The following HSPA14 variants were observed in gnomAD, a reference collection of about 807,000 sequenced individuals.
HSPA14 encodes heat shock 70 kDa protein 14.
In HSPA14, 37 loss-of-function variants were observed where a neutral mutation model predicts 65.5. The observed-to-expected ratio is 0.56, with a 90% confidence interval of 0.43 to 0.74. HSPA14 has a LOEUF of 0.74. Among genes scored for constraint, HSPA14 ranks in the 30% least tolerant of loss-of-function variants. HSPA14 has a pLI of 0.00. For missense variants in HSPA14, 564 were observed against 607.6 expected (o/e 0.93, Z 0.75); for synonymous variants, 203 against 214.2 (o/e 0.95, Z 0.46).
Position 14,871,589 on chromosome 10 carries a change from A to G in HSPA14, c.1513A>G (p.Ile505Val), listed in dbSNP as rs141304912. The G allele has an allele frequency of 1.4e-5, 22 of 1,573,958 alleles. 1 individual carries two copies. Among genetic ancestry groups the G allele is most frequent in the Non-Finnish European group, 7.0e-6 (8 of 1,149,930 alleles). Residue 505 changes from isoleucine to valine, a missense_variant, in exon 14 of 14, where the codon ATT becomes GTT. Coordinates refer to ENST00000378372, the MANE Select transcript of HSPA14 (RefSeq NM_016299.4). Reference sequence around the variant, plus strand: ...AACTGGAAAATGTGAAGCAATCTCTATTGAGATAGCATCTTAGTGTTTTAG... The same window carrying G: ...AACTGGAAAATGTGAAGCAATCTCTGTTGAGATAGCATCTTAGTGTTTTAG... ...QETGKCEAIS[I>V]EIAS
chr10:14,838,663 C>T (rs976382847), intron 1 of HSPA14: 4 of 525,362 alleles, frequency 7.6e-6, no homozygotes, highest in Non-Finnish European at 1.3e-5. Context: ...TACTCCGCGG[C>T]GGAGGCTCGC....
At position 14,867,933 on chromosome 10, in the gene HSPA14, T is replaced by A. The variant is rs770587351; in HGVS notation, c.1380+24T>A. ...AGGTGAATACATAAAGTTAGACACA[T>A]TAAACTGTTCAACTTTGCTTTCTGG... On this transcript the variant is annotated intron_variant, in intron 12 of 13. Coordinates refer to ENST00000378372, the MANE Select transcript of HSPA14 (RefSeq NM_016299.4). 6 of 1,585,460 alleles carry A rather than the reference T, an allele frequency of 3.8e-6. No individual in the cohort carries two copies. The Admixed American group carries it at 7.3e-5, about 19-fold the overall frequency.
At chr10:14,840,851 C>T (rs946893570) in intron 3 of HSPA14, among the ~76,000 whole-genome samples, 1 of 152,174 alleles carries the variant, frequency 6.6e-6, no homozygotes, top group African/African-American at 2.4e-5. Context: ...ATTCTCTCAA[C>T]ATCCTTGTAA....
At chr10:14,843,701 A>C in intron 3 of HSPA14, 1 of 1,540,638 alleles carries the variant, frequency 6.5e-7, no homozygotes. Flanking sequence ...TCAAAGCGGG[A>C]GGAAGAAAAA....
At chr10:14,869,549 C>T (rs550868400) in intron 12 of HSPA14, among the ~76,000 whole-genome samples, 137 of 152,294 alleles carry the variant, frequency 9.0e-4, no homozygotes, top group African/African-American at 3.0e-3. Flanking sequence ...CCTGCCTCAG[C>T]CTCCCAAACT....
chr10:14,871,536 C>G lies in HSPA14; in HGVS notation c.1460C>G (p.Ser487Cys), dbSNP rs1372160347. The G allele has an allele frequency of 1.9e-6, 3 of 1,581,084 alleles. No homozygotes were observed. The highest frequency in any genetic ancestry group is 1.7e-6 in the Non-Finnish European group (2 of 1,156,240). Residue 487 changes from serine (S) to cysteine (C), a missense_variant, in exon 14 of 14, where the codon TCT becomes TGT. Ser to Cys is a moderately radical substitution (Grantham distance 112, BLOSUM62 -1). Transcript: ENST00000378372. ...LAVLTMKRDG[S>C]LHVTCTDQET... The stretch of plus-strand genomic sequence containing the variant: ...TTTTTTTGTCTGTTTAGGGATGGAT[C>G]TTTACATGTGACATGCACAGATCAA...
chr10:14,869,088 C>T (rs1429766843), intron 12 of HSPA14, among the ~76,000 whole-genome samples: 4 of 151,968 alleles, frequency 2.6e-5, no homozygotes, highest in Non-Finnish European at 4.4e-5. Context: ...CCTCATGATC[C>T]GCCTGCCTTG....
Position 14,849,768 on chromosome 10 carries a change from A to G in HSPA14, c.424A>G (p.Thr142Ala). Residue 142 changes from threonine to alanine, a missense_variant, in exon 6 of 14, where the codon ACT becomes GCT. Physicochemically the swap from Thr to Ala is moderately conservative, Grantham distance 58. Coordinates refer to ENST00000378372, the MANE Select transcript of HSPA14 (RefSeq NM_016299.4). ...CTCAGATGCAAATGATGTAGTTATT[A>G]CTGTCCCGTTTGATTTTGGAGAAAA... The part of the protein sequence containing the change: ...LGSDANDVVI[T>A]VPFDFGEKQK... 1 of 1,613,710 alleles carries G rather than the reference A, an allele frequency of 6.2e-7. No homozygotes were observed. The highest frequency in any genetic ancestry group is 8.5e-7 in the Non-Finnish European group (1 of 1,179,798).
At chr10:14,861,675 T>G (rs987252096) in intron 10 of HSPA14, among the ~76,000 whole-genome samples, 3 of 152,104 alleles carry the variant, frequency 2.0e-5, no homozygotes, top group African/African-American at 7.2e-5. Flanking sequence ...GGGAATACTG[T>G]GAGACTTTTA....
At chr10:14,866,940 G>A in intron 10 of HSPA14, 143 bp from the exon 11 acceptor site, 1 of 564,954 alleles carries the variant, frequency 1.8e-6, no homozygotes, top group Non-Finnish European at 3.2e-6. Flanking sequence ...TATAGGTTAA[G>A]TATAACATAA....
intron 12 of HSPA14, among the ~76,000 whole-genome samples, chr10:14,868,660 A>G (rs1453674478): frequency 6.6e-6 from 1 of 152,194 alleles, no homozygotes; most frequent in East Asian, 1.9e-4. Context: ...TACAGAAAAT[A>G]TCTATAGGTA....
At chr10:14,849,868 A>G in intron 6 of HSPA14, 57 bp downstream of exon 6, 1 of 1,023,584 alleles carries the variant, frequency 9.8e-7, no homozygotes, top group Non-Finnish European at 1.5e-6. Context: ...AAGTCACTAT[A>G]TAGTAAAAGG....
rs565741118 is a variant in HSPA14 at position 14,867,373 on chromosome 10, C to A, written c.1206+78C>A. The A allele has an allele frequency of 8.8e-5, 91 of 1,034,110 alleles. No homozygotes were observed. In the East Asian group the frequency reaches 2.2e-3, roughly 25 times the overall value. The allele number at this position is 1,034,110 out of a possible 1,614,324, so 64.1% of individuals were successfully genotyped here. On this transcript the variant is annotated intron_variant, in intron 11 of 13. Coordinates refer to ENST00000378372, the MANE Select transcript of HSPA14 (RefSeq NM_016299.4). ...TACATAAAAATAGTAAATTAATTGC[C>A]ATAAGTTTTTATACATACCATGATG...
At chr10:14,854,422 T>G in intron 9 of HSPA14, 142 bp downstream of exon 9, 1 of 654,208 alleles carries the variant, frequency 1.5e-6, no homozygotes, top group East Asian at 2.8e-5. Context: ...TGGGGTCCAG[T>G]TTTTGTCAGA....
At chr10:14,869,493 C>T (rs1832836456) in intron 12 of HSPA14, among the ~76,000 whole-genome samples, 1 of 152,034 alleles carries the variant, frequency 6.6e-6, no homozygotes, top group Admixed American at 6.6e-5. Context: ...GACAGTTTCA[C>T]TGTGTTGACC....
chr10:14,851,003 A>G (rs1834104641), intron 6 of HSPA14: 2 of 403,588 alleles, frequency 5.0e-6, no homozygotes, highest in East Asian at 4.5e-5. Flanking sequence ...TTTGTGAAGA[A>G]TATGGGCTCT....
At chr10:14,846,255 G>T in intron 3 of HSPA14, 3 of 985,294 alleles carry the variant, frequency 3.0e-6, no homozygotes, top group Non-Finnish European at 3.6e-6. Flanking sequence ...AGATTTTCTG[G>T]AAACACAGAA....
intron 10 of HSPA14, among the ~76,000 whole-genome samples, chr10:14,860,167 C>T (rs115695903): frequency 0.01 from 1,528 of 152,164 alleles, 29 homozygotes; most frequent in African/African-American, 0.035. Flanking sequence ...GCTTATTTAT[C>T]TTACATTTTG....
At position 14,871,626 on chromosome 10, in the gene HSPA14, A is replaced by G. The variant is rs371851462; in HGVS notation, c.*20A>G. The G allele has an allele frequency of 1.1e-5, 15 of 1,371,214 alleles. No homozygotes were observed. The highest frequency in any genetic ancestry group is 3.1e-6 in the Non-Finnish European group (3 of 983,154). The allele number at this position is 1,371,214 out of a possible 1,614,324, so 84.9% of individuals were successfully genotyped here. ...TCTTAGTGTTTTAGAGAAATCAAGA[A>G]TTTTTAAAAACAAGAATATCAACAT... On this transcript the variant is annotated 3_prime_UTR_variant, in exon 14 of 14. Transcript: ENST00000378372.
Sources: allele counts gnomAD v4.1 joint callset (sites outside exome capture counted in the v4.1 genomes callset), GRCh38; gene constraint gnomAD v4.1.1; transcripts MANE v1.5; gene names NCBI Gene and HGNC (gene_info 2026-07-23, HGNC 2026-07-21).